Variants in GALNT2 observed in about 807,000 individuals in gnomAD.
GALNT2 encodes the protein UDP-GalNAc:polypeptide N-acetylgalactosaminyltransferase 2.
In GALNT2, 31 loss-of-function variants were observed where a neutral mutation model predicts 81.4. The ratio of observed to expected loss-of-function variants is 0.38; its 90% CI spans 0.29 to 0.51. GALNT2 has a LOEUF of 0.51. Ranked by LOEUF, GALNT2 falls within the 20% of genes least tolerant of loss-of-function variation. The pLI, the probability that GALNT2 is intolerant of heterozygous loss-of-function variation, is 0.87. For missense variants in GALNT2, 629 were observed against 765.7 expected (o/e 0.82, Z 2.11); for synonymous variants, 303 against 287.4 (o/e 1.05, Z -0.55).
chr1:230,222,029 C>CTATTTTTTTTTTTTTTT (rs1664562002), intron 3 of GALNT2, among the ~76,000 whole-genome samples: 2 of 72,206 alleles, frequency 2.8e-5, no homozygotes, highest in African/African-American at 2.2e-4. Context: ...CACTGCTTTT[C>CTATTTTTTTTTTTTTTT]TCTTTTTTTT....
chr1:230,127,489 CCT>C (rs1483761663), intron 1 of GALNT2, among the ~76,000 whole-genome samples: 1 of 152,054 alleles, frequency 6.6e-6, no homozygotes, highest in Non-Finnish European at 1.5e-5. Flanking sequence ...GATTCTCCTG[CCT>C]CAGCCTCCCA....
At position 230,155,849 on chromosome 1, in the gene GALNT2, C is replaced by G. The variant is rs138662913; in HGVS notation, c.127-22369C>G. Among the ~76,000 whole-genome samples the G allele has an allele frequency of 4.6e-5, 7 of 152,296 alleles. No individual in the cohort carries two copies. The East Asian group carries it at 1.4e-3, about 29-fold the overall frequency. Reference sequence around the variant, plus strand: ...ATTCGGCGTCAACCTCCAGTTCACTCAGGAGTTCTGAGTGGAGGACAAAAG... The same window carrying G: ...ATTCGGCGTCAACCTCCAGTTCACTGAGGAGTTCTGAGTGGAGGACAAAAG... On this transcript the variant is annotated intron_variant, in intron 1 of 15. Transcript: ENST00000366672.
At chr1:230,092,185 T>TTTTTTTG (rs1660110501) in intron 1 of GALNT2, among the ~76,000 whole-genome samples, 1 of 114,286 alleles carries the variant, frequency 8.7e-6, no homozygotes, top group African/African-American at 3.2e-5. Flanking sequence ...AGTTTTTTTT[T>TTTTTTTG]TTTTTTTTTT....
intron 1 of GALNT2, among the ~76,000 whole-genome samples, chr1:230,125,892 G>A (rs1443448884): frequency 2.0e-5 from 3 of 152,222 alleles, no homozygotes; most frequent in African/African-American, 7.2e-5. Flanking sequence ...GAGTTTCAAT[G>A]TCTCTCTCCT....
intron 1 of GALNT2, among the ~76,000 whole-genome samples, chr1:230,074,176 T>C (rs185015094): frequency 1.3e-5 from 2 of 151,938 alleles, no homozygotes; most frequent in East Asian, 3.9e-4. Context: ...AACTGTAGCC[T>C]CAAACTCCTG....
intron 1 of GALNT2, among the ~76,000 whole-genome samples, chr1:230,118,917 A>G (rs1199446320): frequency 6.6e-6 from 1 of 152,064 alleles, no homozygotes; most frequent in African/African-American, 2.4e-5. Flanking sequence ...CGATCAGCCT[A>G]TGGTCAGCCC....
chr1:230,122,796 T>C (rs948870825), intron 1 of GALNT2, among the ~76,000 whole-genome samples: 1 of 152,140 alleles, frequency 6.6e-6, no homozygotes, highest in Admixed American at 6.6e-5. Context: ...TATATATAGA[T>C]CTCTGCACAC....
Position 230,203,230 on chromosome 1 carries a change from A to G in GALNT2, c.314A>G (p.Asn105Ser), listed in dbSNP as rs557579820. 4.3e-6 allele frequency: 7 copies of G among 1,614,218 alleles called. No individual in the cohort carries two copies. Among genetic ancestry groups the G allele is most frequent in the South Asian group, 1.1e-5 (1 of 91,088 alleles). ...GACCCTTACGCCCGCAACAAGTTCA[A>G]CCAGGTGGAGAGTGATAAGCTTCGA... ...GQDPYARNKF[N>S]QVESDKLRMD... Residue 105 changes from asparagine to serine, a missense_variant, in exon 3 of 16, where the codon AAC (asparagine) becomes AGC (serine). By Grantham distance (46) the Asn-to-Ser change is conservative. Coordinates refer to ENST00000366672, the MANE Select transcript of GALNT2 (RefSeq NM_004481.5).
intron 1 of GALNT2, among the ~76,000 whole-genome samples, chr1:230,174,168 A>G (rs1442821648): frequency 6.6e-6 from 1 of 152,206 alleles, no homozygotes; most frequent in Non-Finnish European, 1.5e-5. Flanking sequence ...CTAATCTTAG[A>G]GAAGTTAGAC....
intron 1 of GALNT2, among the ~76,000 whole-genome samples, chr1:230,099,265 A>G (rs1055618790): frequency 6.6e-6 from 1 of 152,148 alleles, no homozygotes; most frequent in Non-Finnish European, 1.5e-5. Flanking sequence ...TGTCAAACCC[A>G]TTTGCTTACA....
intron 1 of GALNT2, among the ~76,000 whole-genome samples, chr1:230,083,419 C>T (rs1659806843): frequency 1.5e-5 from 2 of 133,810 alleles, no homozygotes; most frequent in African/African-American, 5.8e-5. Context: ...GATGATGGAG[C>T]GGGGAGCCAA....
At chr1:230,102,707 T>C (rs1660436125) in intron 1 of GALNT2, among the ~76,000 whole-genome samples, 1 of 152,136 alleles carries the variant, frequency 6.6e-6, no homozygotes, top group African/African-American at 2.4e-5. Context: ...GGACAGTTGA[T>C]GGCCTTAAAA....
intron 1 of GALNT2, among the ~76,000 whole-genome samples, chr1:230,153,288 C>T (rs1216395871): frequency 2.0e-5 from 3 of 152,144 alleles, no homozygotes; most frequent in African/African-American, 7.2e-5. Context: ...GGCCCATTGC[C>T]ATGCCTGAGA....
chr1:230,103,115 G>C (rs1660448491), intron 1 of GALNT2, among the ~76,000 whole-genome samples: 1 of 152,182 alleles, frequency 6.6e-6, no homozygotes, highest in Admixed American at 6.5e-5. Context: ...AAGAGCCTCT[G>C]TTACCTCCTA....
chr1:230,115,731 G>T (rs1027891055), intron 1 of GALNT2, among the ~76,000 whole-genome samples: 1 of 152,280 alleles, frequency 6.6e-6, no homozygotes, highest in Non-Finnish European at 1.5e-5. Flanking sequence ...TGTAGCATGC[G>T]TTGCTGTTTA....
chr1:230,266,475 A>G (rs1432071844), intron 14 of GALNT2, among the ~76,000 whole-genome samples: 2 of 152,164 alleles, frequency 1.3e-5, no homozygotes, highest in Non-Finnish European at 2.9e-5. Context: ...TCCTGAATGT[A>G]TTGATTTCTT....
rs548956859 is a variant in GALNT2 at position 230,154,706 on chromosome 1, G to A, written c.127-23512G>A. Among the ~76,000 whole-genome samples the A allele has an allele frequency of 4.6e-5, 7 of 152,300 alleles. No individual in the cohort carries two copies. The South Asian group carries it at 1.4e-3, about 32-fold the overall frequency. ...AATAGACAACAGGCACCACCTCTAA[G>A]CCAAGGAGAGAGGCCTGGAACAGCA... On this transcript the variant is annotated intron_variant, in intron 1 of 15. Coordinates refer to ENST00000366672, the MANE Select transcript of GALNT2 (RefSeq NM_004481.5).
intron 2 of GALNT2, among the ~76,000 whole-genome samples, chr1:230,198,092 G>A (rs771487715): frequency 6.6e-6 from 1 of 152,230 alleles, no homozygotes; most frequent in Non-Finnish European, 1.5e-5. Context: ...ACGAAGCTGC[G>A]TTCCTCCCAG....
intron 1 of GALNT2, among the ~76,000 whole-genome samples, chr1:230,132,788 G>T (rs1399123151): frequency 6.6e-6 from 1 of 152,204 alleles, no homozygotes; most frequent in Non-Finnish European, 1.5e-5. Context: ...CTGAATTCCT[G>T]TAAGAATATC....
Sources: allele counts gnomAD v4.1 joint callset (sites outside exome capture counted in the v4.1 genomes callset), GRCh38; gene constraint gnomAD v4.1.1; transcripts MANE v1.5; gene names NCBI Gene and HGNC (gene_info 2026-07-23, HGNC 2026-07-21).